The following APC variants were observed in gnomAD, a reference collection of about 807,000 sequenced individuals.
APC encodes APC regulator of Wnt signaling pathway.
Under a neutral mutation model 247.0 loss-of-function variants are expected in APC, and 72 were observed. The observed-to-expected ratio is 0.29, with a 90% CI of 0.24 to 0.35. The LOEUF (loss-of-function observed/expected upper bound fraction) is 0.35. APC is among the 10% of genes least tolerant of loss of function. The pLI, the probability that APC is intolerant of heterozygous loss-of-function variation, is 1.00. For synonymous variants in APC, 1,254 were observed against 1,162.5 expected, an observed-to-expected ratio of 1.08 and a Z score of -1.60; for missense variants, 3,400 against 3,360.7, an observed-to-expected ratio of 1.01 and a Z score of -0.29.
chr5:112,726,229 G>T (rs1751767429), intron 1 of APC, among the ~76,000 whole-genome samples: 1 of 152,172 alleles, frequency 6.6e-6, no homozygotes. Context: ...TACCCTCCTG[G>T]TACCCAGGTC....
intron 2 of APC, among the ~76,000 whole-genome samples, chr5:112,757,250 C>T (rs1423876010): frequency 2.0e-5 from 3 of 152,032 alleles, no homozygotes; most frequent in Non-Finnish European, 4.4e-5. Flanking sequence ...AGAGCATAAA[C>T]CATGAGCTAT....
At chr5:112,738,716 C>T (rs911404372) in intron 1 of APC, among the ~76,000 whole-genome samples, 2 of 152,064 alleles carry the variant, frequency 1.3e-5, no homozygotes, top group Non-Finnish European at 2.9e-5. Context: ...GGTAGAAGCC[C>T]ATTTACAAGA....
At chr5:112,764,500 A>G (rs1756045152) in intron 2 of APC, among the ~76,000 whole-genome samples, 1 of 152,222 alleles carries the variant, frequency 6.6e-6, no homozygotes, top group Admixed American at 6.5e-5. Flanking sequence ...AGAGAAGGCT[A>G]ATGCCATTTA....
At chr5:112,795,058 G>T (rs60959200) in intron 7 of APC, among the ~76,000 whole-genome samples, 3,698 of 152,098 alleles carry the variant, frequency 0.024, 165 homozygotes, top group African/African-American at 0.085. Flanking sequence ...ACAGAGTCTC[G>T]CTCTGTAGCC....
At chr5:112,788,200 T>G (rs1759188634) in intron 6 of APC, among the ~76,000 whole-genome samples, 2 of 152,206 alleles carry the variant, frequency 1.3e-5, no homozygotes, top group Admixed American at 1.3e-4. Flanking sequence ...TGCAGTTTTA[T>G]AAATCTTGAT....
chr5:112,843,125 C>A lies in APC; in HGVS notation c.7531C>A (p.Leu2511Ile). 6.2e-7 allele frequency: 1 copy of A among 1,614,026 alleles called. No individual in the cohort carries two copies. The highest frequency in any genetic ancestry group is 8.5e-7 in the Non-Finnish European group (1 of 1,179,902). ...AGGWRKLPPN[L>I]SPTIEYNDGR... is the part of the protein sequence containing the mutation. ...TGGATGGCGAAAACTCCCACCTAAT[C>A]TCAGTCCCACTATAGAGTATAATGA... The change falls in exon 16 of 16, where the codon CTC becomes ATC. Residue 2511 changes from leucine (L) to isoleucine (I), a missense_variant. Physicochemically the swap from Leu to Ile is conservative, Grantham distance 5. This residue lies in a region of APC where 1,788 missense variants were observed against 1,649.5 expected (regional missense o/e 1.08). Transcript: ENST00000257430. The surrounding 1 kb of genome is among the most constrained non-coding windows in gnomAD (Gnocchi z 4.8).
chr5:112,727,301 A>G (rs1169051036), intron 1 of APC, among the ~76,000 whole-genome samples: 1 of 152,186 alleles, frequency 6.6e-6, no homozygotes, highest in East Asian at 1.9e-4. Flanking sequence ...GCATGTAGCA[A>G]GACCAAGGAA....
At chr5:112,754,759 A>G (rs1754762457) in intron 1 of APC, 114 bp from the exon 2 acceptor site, 3 of 986,370 alleles carry the variant, frequency 3.0e-6, no homozygotes, top group South Asian at 1.5e-5. Context: ...TAGCATATTA[A>G]CACAATTCTT....
chr5:112,736,856 G>A (rs1330897192), upstream of APC, among the ~76,000 whole-genome samples: 1 of 152,232 alleles, frequency 6.6e-6, no homozygotes, highest in Non-Finnish European at 1.5e-5. Flanking sequence ...GGAGGTTGCA[G>A]TGAGCGGAGA....
At position 112,845,240 on chromosome 5, in the gene APC, CT is replaced by C. The variant is rs1415173649; in HGVS notation, c.*1122del. On this transcript the variant is annotated 3_prime_UTR_variant, in exon 16 of 16. Transcript: ENST00000257430. Reference sequence around the variant, plus strand: ...GATTTTTAATATTTTTCCACTTAAACTTTTTTTTCTTACTCCACTGGAGCTC... The same window carrying C: ...GATTTTTAATATTTTTCCACTTAAACTTTTTTTCTTACTCCACTGGAGCTC... 2 of 231,938 alleles carry C rather than the reference CT, an allele frequency of 8.6e-6. No homozygotes were observed. The highest frequency in any genetic ancestry group is 5.6e-5 in the Admixed American group (1 of 17,706). The allele number at this position is 231,938 out of a possible 1,614,324, so 14.4% of individuals were successfully genotyped here.
Position 112,844,279 on chromosome 5 carries a change from G to C in APC, c.*153G>C, listed in dbSNP as rs374304258. 2 of 729,376 alleles carry C rather than the reference G, an allele frequency of 2.7e-6. No homozygotes were observed. The allele number at this position is 729,376 out of a possible 1,614,324, so 45.2% of individuals were successfully genotyped here. ...TTTGTTCTGGAAGCCATATTTGATA[G>C]TATACTTTGTCTTCACTGGTCTTAT... On this transcript the variant is annotated 3_prime_UTR_variant, in exon 16 of 16. Transcript: ENST00000257430.
chr5:112,751,715 C>G (rs1754392170), intron 1 of APC, among the ~76,000 whole-genome samples: 1 of 151,420 alleles, frequency 6.6e-6, no homozygotes, highest in Non-Finnish European at 1.5e-5. Flanking sequence ...TTGTATATTC[C>G]AGGTATATAA....
intron 8 of APC, among the ~76,000 whole-genome samples, chr5:112,807,971 A>G (rs1668270118): frequency 6.6e-6 from 1 of 152,108 alleles, no homozygotes; most frequent in South Asian, 2.1e-4. Flanking sequence ...CCTGGCCAAC[A>G]TGGTGAAACC....
chr5:112,734,777 TTGTGTG>T (rs71626673), upstream of APC, among the ~76,000 whole-genome samples: 1 of 146,774 alleles, frequency 6.8e-6, no homozygotes, highest in Non-Finnish European at 1.5e-5. Context: ...AAGGGTTTTC[TTGTGTG>T]TGTGTGTGTG....
intron 1 of APC, among the ~76,000 whole-genome samples, chr5:112,753,614 C>A (rs150461770): frequency 6.6e-6 from 1 of 152,176 alleles, no homozygotes; most frequent in African/African-American, 2.4e-5. Flanking sequence ...GCAGGACTCC[C>A]CTTCCTCCTC....
At position 112,843,758 on chromosome 5, in the gene APC, C is replaced by T. The variant is rs2150000260; in HGVS notation, c.8164C>T (p.Leu2722=). Residue 2722 remains leucine, a synonymous_variant, in exon 16 of 16, where the codon CTG becomes TTG. Coordinates refer to ENST00000257430, the MANE Select transcript of APC (RefSeq NM_000038.6). The surrounding 1 kb of genome is among the most constrained non-coding windows in gnomAD (Gnocchi z 4.8). ...GCGTACCGTGGGTTTGGAAAATCGC[C>T]TGAACTCCTTTATTCAGGTGGATGC... The part of the protein sequence containing the change: ...PMRTVGLENR[L]NSFIQVDAPD... 1 of 1,614,038 alleles carries T rather than the reference C, an allele frequency of 6.2e-7. No homozygotes were observed. The highest frequency in any genetic ancestry group is 2.2e-5 in the East Asian group (1 of 44,882).
At chr5:112,737,352 T>TA (rs1356663373), upstream of APC, among the ~76,000 whole-genome samples, 1 of 152,244 alleles carries the variant, frequency 6.6e-6, no homozygotes, top group Non-Finnish European at 1.5e-5. Flanking sequence ...TCTCCACTAC[T>TA]AAGCTGCTAG....
At chr5:112,754,782 A>T (rs934762537) in intron 1 of APC, 91 bp from the exon 2 acceptor site, 13 of 1,216,762 alleles carry the variant, frequency 1.1e-5, no homozygotes, top group Admixed American at 2.0e-5. Context: ...TAAACGTCTT[A>T]AGAGTTTTGT....
intron 2 of APC, among the ~76,000 whole-genome samples, chr5:112,759,640 C>T (rs1052898325): frequency 5.9e-5 from 9 of 152,112 alleles, no homozygotes; most frequent in African/African-American, 1.9e-4. Flanking sequence ...CAGGCGTGAG[C>T]CACCGTGCCC....
Sources: gnomAD v4.1 joint callset for allele counts (sites outside exome capture counted in the v4.1 genomes callset) on GRCh38, gnomAD v4.1.1 for gene constraint, gnomAD v4.1.1 regional missense constraint, Gnocchi (gnomAD v3.1) non-coding constraint, MANE v1.5 for transcripts, NCBI Gene and HGNC (gene_info 2026-07-23, HGNC 2026-07-21) for gene names.